MED9: variants seen among roughly 807,000 people sequenced by gnomAD.
The protein encoded by MED9 is mediator complex subunit 9, also known as mediator of RNA polymerase II transcription subunit 9.
In MED9, 8 loss-of-function variants were observed where a neutral mutation model predicts 13.2. The observed-to-expected ratio is 0.61, with a 90% confidence interval of 0.36 to 1.10. MED9 has a LOEUF of 1.10. MED9 is among the 50% of genes least tolerant of loss of function. MED9 has a pLI of 0.02. For synonymous variants in MED9, 87 were observed against 82.8 expected, an observed-to-expected ratio of 1.05 and a Z score of -0.28; for missense variants, 180 against 193.4, an observed-to-expected ratio of 0.93 and a Z score of 0.41.
chr17:17,482,660 C>T (rs1042629879), intron 1 of MED9, among the ~76,000 whole-genome samples: 1 of 152,114 alleles, frequency 6.6e-6, no homozygotes, highest in Non-Finnish European at 1.5e-5. Context: ...CTTATGGCTT[C>T]TGAGTTTTGG....
rs1202879082 is a variant in MED9 at position 17,491,414 on chromosome 17, C to T, written c.360C>T (p.Ser120=). 1 of 1,614,076 alleles carries T rather than the reference C, an allele frequency of 6.2e-7. No individual in the cohort carries two copies. The highest frequency in any genetic ancestry group is 1.1e-5 in the South Asian group (1 of 91,084). ...AACAGCAGCAGCAGCAGCTGCAGAG[C>T]CTCCGGGAGCAAGTCAGGACCAAGA... ...SPEQQQQQLQ[S]LREQVRTKNE... is the part of the protein sequence containing the mutation. The change falls in exon 2 of 2, where the codon AGC becomes AGT. Residue 120 remains serine, a synonymous_variant. Transcript: ENST00000268711.
intron 1 of MED9, among the ~76,000 whole-genome samples, chr17:17,484,612 G>A (rs953191645): frequency 9.2e-5 from 14 of 152,242 alleles, no homozygotes; most frequent in Non-Finnish European, 1.9e-4. Flanking sequence ...GGCCTCTGCC[G>A]TTCACTTTCT....
chr17:17,489,646 A>G (rs1336815099), intron 1 of MED9, among the ~76,000 whole-genome samples: 3 of 152,206 alleles, frequency 2.0e-5, no homozygotes, highest in Non-Finnish European at 4.4e-5. Flanking sequence ...AAAATAAAAG[A>G]CGTTCCCTAT....
At position 17,483,667 on chromosome 17, in the gene MED9, G is replaced by A. The variant is rs575548755; in HGVS notation, c.224+6402G>A. Among the ~76,000 whole-genome samples, 4 of 152,170 alleles carry A rather than the reference G, an allele frequency of 2.6e-5. No homozygotes were observed. The highest frequency in any genetic ancestry group is 4.1e-4 in the South Asian group (2 of 4,822). ...GAATGAGGAAAGGGAGGCTGGGCACGGTGGCTCACACCTGTAATCCCAGCA... is the reference window on the plus strand; with the variant it reads ...GAATGAGGAAAGGGAGGCTGGGCACAGTGGCTCACACCTGTAATCCCAGCA... On this transcript the variant is annotated intron_variant, in intron 1 of 1. Coordinates refer to ENST00000268711, the MANE Select transcript of MED9 (RefSeq NM_018019.3). The surrounding 1 kb of genome is among the most constrained non-coding windows in gnomAD (Gnocchi z 4.2).
At chr17:17,477,346 G>A in intron 1 of MED9, 81 bp downstream of exon 1, 7 of 1,416,664 alleles carry the variant, frequency 4.9e-6, no homozygotes, top group South Asian at 1.4e-5. Context: ...AGAGGCCTTG[G>A]CGCTCTGGGG....
At chr17:17,490,632 C>A (rs575459525) in intron 1 of MED9, among the ~76,000 whole-genome samples, 2 of 152,296 alleles carry the variant, frequency 1.3e-5, no homozygotes, top group East Asian at 1.9e-4. Context: ...TAGAAGAGAG[C>A]CTGTGTCTGC....
chr17:17,484,843 G>A (rs573139157), intron 1 of MED9, among the ~76,000 whole-genome samples: 4 of 152,300 alleles, frequency 2.6e-5, no homozygotes, highest in Admixed American at 2.0e-4. Context: ...CTTAGTGGGC[G>A]TGAGAAATGC....
At position 17,491,683 on chromosome 17, in the gene MED9, G is replaced by C. The variant is rs1291722864; in HGVS notation, c.*188G>C. ...AGCCAGCGCAGAGCTTGGCTGCGCC[G>C]GGGGTTCCTCGTGTAGATCCATATG... On this transcript the variant is annotated 3_prime_UTR_variant, in exon 2 of 2. Transcript: ENST00000268711. The C allele has an allele frequency of 1.6e-6, 1 of 607,722 alleles. No homozygotes were observed. Among genetic ancestry groups the C allele is most frequent in the African/African-American group, 1.9e-5 (1 of 53,918 alleles). 37.6% of individuals were successfully genotyped at this position (607,722 alleles called of 1,614,324 possible).
chr17:17,491,804 G>A lies in MED9; in HGVS notation c.*309G>A, dbSNP rs145811334. 305 of 391,570 alleles carry A rather than the reference G, an allele frequency of 7.8e-4. 1 individual carries two copies. The highest frequency in any genetic ancestry group is 1.7e-3 in the South Asian group (75 of 43,030). 24.3% of individuals were successfully genotyped at this position (391,570 alleles called of 1,614,324 possible). On this transcript the variant is annotated 3_prime_UTR_variant, in exon 2 of 2. Transcript: ENST00000268711. ...GAGGACTCTCCCCTGCCTCTGGGGA[G>A]GGGGCCATCTGCTGCGCCCGGCCCC...
intron 1 of MED9, among the ~76,000 whole-genome samples, chr17:17,480,995 G>C (rs181275462): frequency 2.0e-5 from 3 of 152,346 alleles, no homozygotes; most frequent in African/African-American, 7.2e-5. Context: ...GGAAAAACAT[G>C]TAAGGACACG....
intron 1 of MED9, among the ~76,000 whole-genome samples, chr17:17,479,700 T>C (rs962682877): frequency 2.6e-5 from 4 of 152,144 alleles, no homozygotes; most frequent in African/African-American, 9.7e-5. Flanking sequence ...TGGTGGTGTG[T>C]GCCTGCAGTC....
chr17:17,481,951 T>C (rs1905039814), intron 1 of MED9, among the ~76,000 whole-genome samples: 1 of 152,204 alleles, frequency 6.6e-6, no homozygotes, highest in African/African-American at 2.4e-5. Context: ...AAATGGCCTA[T>C]AAATCTGCCA....
chr17:17,490,589 T>C (rs1298256705), intron 1 of MED9, among the ~76,000 whole-genome samples: 2 of 152,210 alleles, frequency 1.3e-5, no homozygotes, highest in Non-Finnish European at 2.9e-5. Context: ...AAAGTGAACT[T>C]GACTCAAAGA....
At position 17,491,404 on chromosome 17, in the gene MED9, A is replaced by T. The variant is rs137951481; in HGVS notation, c.350A>T (p.Gln117Leu). 42 of 1,613,512 alleles carry T rather than the reference A, an allele frequency of 2.6e-5. No homozygotes were observed. The highest frequency in any genetic ancestry group is 3.2e-5 in the Non-Finnish European group (38 of 1,179,668). ...CTGAGCCCCGAACAGCAGCAGCAGC[A>T]GCTGCAGAGCCTCCGGGAGCAAGTC... is the stretch of plus-strand genomic sequence containing the variant. The part of the protein sequence containing the change: ...IHLSPEQQQQ[Q>L]LQSLREQVRT... The change falls in exon 2 of 2, where the codon CAG becomes CTG. Residue 117 changes from glutamine to leucine, a missense_variant. Transcript: ENST00000268711.
chr17:17,491,561 A>G lies in MED9; in HGVS notation c.*66A>G, dbSNP rs972670906. ...CCTGTCTCCCCACTACCATCCCCAA[A>G]CGCTCCTTGGGGCGTGGTTCCTGTG... On this transcript the variant is annotated 3_prime_UTR_variant, in exon 2 of 2. Transcript: ENST00000268711. 6 of 1,403,102 alleles carry G rather than the reference A, an allele frequency of 4.3e-6. No homozygotes were observed. The African/African-American group carries it at 8.5e-5, about 20-fold the overall frequency. The allele number at this position is 1,403,102 out of a possible 1,614,324, so 86.9% of individuals were successfully genotyped here.
At chr17:17,489,662 T>G (rs1905196114) in intron 1 of MED9, among the ~76,000 whole-genome samples, 1 of 152,242 alleles carries the variant, frequency 6.6e-6, no homozygotes. Flanking sequence ...CCTATTTGCT[T>G]CCTTCCAAAG....
chr17:17,477,770 T>G (rs998385865), intron 1 of MED9: 4 of 153,376 alleles, frequency 2.6e-5, no homozygotes, highest in African/African-American at 9.7e-5. Context: ...TCAAAAAGAT[T>G]GAGACGGGAG....
chr17:17,483,864 G>A lies in MED9; in HGVS notation c.224+6599G>A, dbSNP rs1315657689. The stretch of plus-strand genomic sequence containing the variant: ...AGGCAGGAGAATCGCTTGAACCCGG[G>A]AGGCGGAGGTTGCAGTGAGCCACGA... On this transcript the variant is annotated intron_variant, in intron 1 of 1. Transcript: ENST00000268711. This position sits in a 1 kb window ranked among gnomAD's most constrained non-coding sequence, Gnocchi z 4.2. Among the ~76,000 whole-genome samples the A allele has an allele frequency of 6.6e-6, 1 of 151,490 alleles. No homozygotes were observed. The highest frequency in any genetic ancestry group is 1.5e-5 in the Non-Finnish European group (1 of 67,940).
Position 17,483,074 on chromosome 17 carries a change from T to C in MED9, c.224+5809T>C, listed in dbSNP as rs1371238331. 6.6e-6 allele frequency among the ~76,000 whole-genome samples: 1 copy of C among 152,238 alleles called. No homozygotes were observed. The highest frequency in any genetic ancestry group is 2.4e-5 in the African/African-American group (1 of 41,460). ...TGGAGTTTTCTAGCAGCCTGCCTGA[T>C]GCTAGATCATGATGCTTTTGTTAAT... is the stretch of plus-strand genomic sequence containing the variant. On this transcript the variant is annotated intron_variant, in intron 1 of 1. Coordinates refer to ENST00000268711, the MANE Select transcript of MED9 (RefSeq NM_018019.3). The surrounding 1 kb of genome is among the most constrained non-coding windows in gnomAD (Gnocchi z 4.2).
Sources: gnomAD v4.1 joint callset for allele counts (sites outside exome capture counted in the v4.1 genomes callset) on GRCh38, gnomAD v4.1.1 for gene constraint, Gnocchi (gnomAD v3.1) non-coding constraint, MANE v1.5 for transcripts, NCBI Gene and HGNC (gene_info 2026-07-23, HGNC 2026-07-21) for gene names.